Variants in RWDD2B observed in about 807,000 individuals in gnomAD.
RWDD2B encodes RWD domain-containing protein 2B.
RWDD2B carries 36 observed loss-of-function variants against 33.6 expected under a neutral mutation model. The observed-to-expected ratio is 1.07, with a 90% CI of 0.82 to 1.42. The LOEUF is 1.42. Among genes scored for constraint, RWDD2B ranks in the 40% most tolerant of loss-of-function variants. The probability of loss-of-function intolerance (pLI) is 0.00; values close to 1 mark genes in which losing one functional copy is unlikely to be tolerated. For synonymous variants in RWDD2B, 126 were observed against 133.1 expected (o/e 0.95, Z 0.37); for missense variants, 364 against 377.5 (o/e 0.96, Z 0.30).
At chr21:29,014,769 C>T (rs537289330) in intron 1 of RWDD2B, among the ~76,000 whole-genome samples, 5 of 151,958 alleles carry the variant, frequency 3.3e-5, no homozygotes, top group Admixed American at 2.6e-4. Flanking sequence ...TTCAGTGAGC[C>T]GAGATACAGC....
intron 1 of RWDD2B, among the ~76,000 whole-genome samples, chr21:29,016,802 C>A (rs1280394874): frequency 6.6e-6 from 1 of 152,100 alleles, no homozygotes; most frequent in African/African-American, 2.4e-5. Flanking sequence ...TTACCAACTG[C>A]AGGACCTTAG....
chr21:29,016,053 A>G (rs552698109), intron 1 of RWDD2B, among the ~76,000 whole-genome samples: 1 of 152,246 alleles, frequency 6.6e-6, no homozygotes, highest in Admixed American at 6.5e-5. Flanking sequence ...CCATGTAGTT[A>G]CCTGAATTTA....
In RWDD2B at chr21:29,019,189, CGCTAGCTGAG is replaced by C; in HGVS notation, c.67+12_67+21del. 1 of 1,580,876 alleles carries C rather than the reference CGCTAGCTGAG, an allele frequency of 6.3e-7. No individual in the cohort carries two copies. Among genetic ancestry groups the C allele is most frequent in the African/African-American group, 1.3e-5 (1 of 74,676 alleles). On this transcript the variant is annotated intron_variant, in intron 1 of 4. Coordinates refer to ENST00000493196, the MANE Select transcript of RWDD2B (RefSeq NM_016940.3). ...AAACCCCCGTGGCGGTCACCACTGG[CGCTAGCTGAG>C]GCGAGACTCACCTTGAGCCGTGGCC...
chr21:29,013,650 C>A (rs1463321205), intron 1 of RWDD2B, among the ~76,000 whole-genome samples: 1 of 145,314 alleles, frequency 6.9e-6, no homozygotes, highest in East Asian at 2.0e-4. Context: ...GATCGCGCCA[C>A]TGCACTCCAG....
rs1601017994 is a variant in RWDD2B, at chr21:29,005,830, A to G, written c.*587T>C. 1 of 151,430 alleles carries G rather than the reference A, an allele frequency of 6.6e-6. No individual in the cohort carries two copies. The highest frequency in any genetic ancestry group is 2.4e-5 in the African/African-American group (1 of 41,182). 9.4% of individuals were successfully genotyped at this position (151,430 alleles called of 1,614,324 possible). On this transcript the variant is annotated 3_prime_UTR_variant, in exon 5 of 5. Transcript: ENST00000493196. ...TGGCTGGTGTTGGGTCAGCAGCTCA[A>G]CAATGTGGCAACTGGCATCTTCGTG...
At chr21:29,008,691 G>T in intron 1 of RWDD2B, 70 bp from the exon 2 acceptor site, 2 of 946,844 alleles carry the variant, frequency 2.1e-6, no homozygotes, top group Middle Eastern at 2.5e-4. Flanking sequence ...ATCAACATGT[G>T]TACTTACTAA....
At chr21:29,013,885 C>G (rs2084877104) in intron 1 of RWDD2B, among the ~76,000 whole-genome samples, 1 of 152,014 alleles carries the variant, frequency 6.6e-6, no homozygotes, top group Admixed American at 6.6e-5. Flanking sequence ...TTTATCTTCT[C>G]TATTGTCTCA....
intron 1 of RWDD2B, among the ~76,000 whole-genome samples, chr21:29,012,097 G>A (rs1226487383): frequency 6.5e-5 from 8 of 123,984 alleles, no homozygotes; most frequent in African/African-American, 1.5e-4. Flanking sequence ...CCGGCCAGCC[G>A]CCCCGTCCGG....
intron 4 of RWDD2B, 66 bp downstream of exon 4, chr21:29,007,695 C>T (rs1358315203): frequency 1.3e-6 from 2 of 1,532,436 alleles, no homozygotes; most frequent in Non-Finnish European, 1.8e-6. Context: ...CTAGGCAGCA[C>T]ATGACTGTAT....
intron 1 of RWDD2B, among the ~76,000 whole-genome samples, chr21:29,009,929 C>G (rs1375192532): frequency 6.6e-6 from 1 of 152,152 alleles, no homozygotes; most frequent in Non-Finnish European, 1.5e-5. Flanking sequence ...TCCCTCCCCA[C>G]CAAATATATT....
At chr21:29,007,646 C>A (rs1601018897) in intron 4 of RWDD2B, 115 bp downstream of exon 4, 1 of 1,083,128 alleles carries the variant, frequency 9.2e-7, no homozygotes, top group East Asian at 2.4e-5. Flanking sequence ...CTTATGGCAT[C>A]ACTGTTTTAT....
chr21:29,013,704 A>G (rs2084876169), intron 1 of RWDD2B, among the ~76,000 whole-genome samples: 2 of 151,926 alleles, frequency 1.3e-5, no homozygotes, highest in Admixed American at 1.3e-4. Flanking sequence ...AAAAAAAAAA[A>G]AAGAAATTAA....
At chr21:29,015,052 G>A (rs956839732) in intron 1 of RWDD2B, among the ~76,000 whole-genome samples, 5 of 147,424 alleles carry the variant, frequency 3.4e-5, no homozygotes, top group African/African-American at 1.1e-4. Flanking sequence ...GGCTTAACAG[G>A]TTTTTACTTT....
chr21:29,012,217 C>T (rs1407226962), intron 1 of RWDD2B, among the ~76,000 whole-genome samples: 1 of 151,670 alleles, frequency 6.6e-6, no homozygotes. Context: ...GCCCGGCCGC[C>T]CCTACTGGGA....
intron 1 of RWDD2B, among the ~76,000 whole-genome samples, chr21:29,015,990 C>T (rs1441838506): frequency 1.3e-5 from 2 of 152,138 alleles, no homozygotes; most frequent in Non-Finnish European, 2.9e-5. Flanking sequence ...TTTTTCCAGG[C>T]CAAATGACAT....
chr21:29,011,674 C>G (rs1290767374), intron 1 of RWDD2B, among the ~76,000 whole-genome samples: 461 of 143,006 alleles, frequency 3.2e-3, no homozygotes, highest in African/African-American at 0.011. Flanking sequence ...GCCGCCCCGT[C>G]CGGGAGGTGA....
In RWDD2B at chr21:29,006,605, C is replaced by CCATTAA; in HGVS notation, c.771_772insTTAATG (p.Glu257_Asp258insLeuMet). Reference sequence around the variant, plus strand: ...TCATTTGTACCATCAAAAGGAATGTCTTCTCGATGGCGAATTAAAATTCTC... The same window carrying CCATTAA: ...TCATTTGTACCATCAAAAGGAATGTCCATTAATTCTCGATGGCGAATTAAAATTCTC... On this transcript the variant is annotated inframe_insertion, in exon 5 of 5. Coordinates refer to ENST00000493196, the MANE Select transcript of RWDD2B (RefSeq NM_016940.3). 6.2e-7 allele frequency: 1 copy of CCATTAA among 1,610,968 alleles called. No individual in the cohort carries two copies. The highest frequency in any genetic ancestry group is 1.1e-5 in the South Asian group (1 of 90,082).
chr21:29,012,324 A>G (rs2084868150), intron 1 of RWDD2B, among the ~76,000 whole-genome samples: 1 of 152,146 alleles, frequency 6.6e-6, no homozygotes, highest in Admixed American at 6.5e-5. Context: ...GTTTTGTGGA[A>G]TAGAAAGGGG....
In RWDD2B at chr21:29,006,441, C is replaced by A. The variant is rs1485979673; in HGVS notation, c.936G>T (p.Met312Ile). 3 of 1,611,884 alleles carry A rather than the reference C, an allele frequency of 1.9e-6. No individual in the cohort carries two copies. Among genetic ancestry groups the A allele is most frequent in the Non-Finnish European group, 2.5e-6 (3 of 1,178,796 alleles). Residue 312 changes from methionine (M) to isoleucine (I), a missense_variant, in exon 5 of 5, where the codon ATG (methionine) becomes ATT (isoleucine). Physicochemically the swap from Met to Ile is conservative, Grantham distance 10. Transcript: ENST00000493196. ...NTKGCGDVFQ[M>I]FFGVEGQ is the part of the protein sequence containing the mutation. ...GTCATTGTCCTTCTACACCAAAGAA[C>A]ATCTGGAAAACATCCCCACATCCTT...
Sources: allele counts gnomAD v4.1 joint callset (sites outside exome capture counted in the v4.1 genomes callset), GRCh38; gene constraint gnomAD v4.1.1; transcripts MANE v1.5; gene names NCBI Gene and HGNC (gene_info 2026-07-23, HGNC 2026-07-21).